Variants in ADGRB1 observed in about 807,000 individuals in gnomAD.
ADGRB1 encodes the protein adhesion G protein-coupled receptor B1, also known as brain-specific angiogenesis inhibitor 1.
Under a neutral mutation model 175.7 loss-of-function variants are expected in ADGRB1, and 36 were observed. The observed-to-expected ratio is 0.20, with a 90% CI of 0.16 to 0.27. ADGRB1 has a LOEUF of 0.27. Among genes scored for constraint, ADGRB1 ranks in the 10% least tolerant of loss-of-function variants. The pLI is 1.00. For synonymous variants in ADGRB1, 1,054 were observed against 979.4 expected (o/e 1.08, Z -1.42); for missense variants, 1,731 against 2,255.3 (o/e 0.77, Z 4.71).
In ADGRB1 at chr8:142,542,440, G is replaced by A; in HGVS notation, c.4206G>A (p.Gly1402=). ...CCTCCCGCCAGCCCCCCAGCGGCGG[G>A]CCCCCCGAGGCACCCCCTGCCCAGC... ...SPPSRQPPSG[G]PPEAPPAQPP... Residue 1402 remains glycine, a synonymous_variant, in exon 28 of 31, where the codon GGG becomes GGA. Coordinates refer to ENST00000517894, the MANE Select transcript of ADGRB1 (RefSeq NM_001702.3). The surrounding 1 kb of genome is among the most constrained non-coding windows in gnomAD (Gnocchi z 6.3). 1.4e-6 allele frequency: 2 copies of A among 1,469,070 alleles called. No individual in the cohort carries two copies. The highest frequency in any genetic ancestry group is 1.3e-5 in the South Asian group (1 of 76,346). 91.0% of individuals were successfully genotyped at this position (1,469,070 alleles called of 1,614,324 possible). A position where few individuals can be genotyped will look rare whatever the true frequency, so the allele number is the denominator to read the frequency against.
Position 142,543,789 on chromosome 8 carries a change from T to G in ADGRB1, c.4557+81T>G, listed in dbSNP as rs1845428595. On this transcript the variant is annotated intron_variant, in intron 30 of 30. Coordinates refer to ENST00000517894, the MANE Select transcript of ADGRB1 (RefSeq NM_001702.3). This position sits in a 1 kb window ranked among gnomAD's most constrained non-coding sequence, Gnocchi z 4.4. ...TCCCTTCTTCCCTGGATTTGTGCAC[T>G]TCATCCATCCATCCATCCATCCATC... is the stretch of plus-strand genomic sequence containing the variant. The G allele has an allele frequency of 1.5e-4, 175 of 1,172,252 alleles. No individual in the cohort carries two copies. Among genetic ancestry groups the G allele is most frequent in the Non-Finnish European group, 1.9e-4 (153 of 807,016 alleles). The allele number at this position is 1,172,252 out of a possible 1,614,324, so 72.6% of individuals were successfully genotyped here.
intron 19 of ADGRB1, 27 bp from the exon 20 acceptor site, chr8:142,520,796 G>T: frequency 6.3e-7 from 1 of 1,599,084 alleles, no homozygotes; most frequent in South Asian, 1.1e-5. Flanking sequence ...GTTGGGTGCT[G>T]ACCTTGGGCC....
intron 23 of ADGRB1, 68 bp from the exon 24 acceptor site, chr8:142,526,474 G>C (rs908103611): frequency 2.1e-6 from 3 of 1,395,814 alleles, no homozygotes; most frequent in Non-Finnish European, 3.0e-6. Context: ...GCATCGGTCC[G>C]GCCAGTGTCA....
chr8:142,511,116 G>A lies in ADGRB1; in HGVS notation c.2817+43G>A. The stretch of plus-strand genomic sequence containing the variant: ...CCGGCGGGAGGGGCGCCGGGCAGGG[G>A]CGCGGGCGGGGGCTGCCGGCGGGCC... On this transcript the variant is annotated intron_variant, in intron 18 of 30. Coordinates refer to ENST00000517894, the MANE Select transcript of ADGRB1 (RefSeq NM_001702.3). The surrounding 1 kb of genome is among the most constrained non-coding windows in gnomAD (Gnocchi z 4.5). The A allele has an allele frequency of 9.4e-7, 1 of 1,064,620 alleles. No individual in the cohort carries two copies. Among genetic ancestry groups the A allele is most frequent in the Non-Finnish European group, 1.1e-6 (1 of 882,040 alleles). 65.9% of individuals were successfully genotyped at this position (1,064,620 alleles called of 1,614,324 possible). A position where few individuals can be genotyped will look rare whatever the true frequency, so the allele number is the denominator to read the frequency against.
At chr8:142,451,914 G>C (rs1441067361) in intron 1 of ADGRB1, among the ~76,000 whole-genome samples, 1 of 152,168 alleles carries the variant, frequency 6.6e-6, no homozygotes, top group African/African-American at 2.4e-5. Context: ...CTCTGCGCCC[G>C]CACGCCGGGG....
intron 24 of ADGRB1, among the ~76,000 whole-genome samples, chr8:142,532,429 C>T (rs1416039029): frequency 2.6e-5 from 4 of 152,140 alleles, no homozygotes; most frequent in Admixed American, 1.3e-4. Flanking sequence ...GCTGCAGGGG[C>T]GAGGGCTGCT....
At chr8:142,532,103 A>G (rs891434836) in intron 24 of ADGRB1, among the ~76,000 whole-genome samples, 2 of 151,458 alleles carry the variant, frequency 1.3e-5, no homozygotes, top group African/African-American at 4.9e-5. Context: ...TGGGCCCCCT[A>G]CTCCCTATTC....
At chr8:142,534,355 C>T (rs1014293886) in intron 25 of ADGRB1, among the ~76,000 whole-genome samples, 5 of 152,204 alleles carry the variant, frequency 3.3e-5, no homozygotes, top group Admixed American at 6.5e-5. Context: ...TCTTGGCCTC[C>T]GCGGCCTGGG....
intron 13 of ADGRB1, 71 bp from the exon 14 acceptor site, chr8:142,488,293 G>A (rs1471027158): frequency 2.3e-5 from 37 of 1,578,128 alleles, no homozygotes; most frequent in Admixed American, 5.1e-5. Flanking sequence ...CTCAACTCCC[G>A]CAGCTGAGGC....
Position 142,464,144 on chromosome 8 carries a change from C to T in ADGRB1, c.-55C>T. On this transcript the variant is annotated 5_prime_UTR_variant, in exon 2 of 31. Coordinates refer to ENST00000517894, the MANE Select transcript of ADGRB1 (RefSeq NM_001702.3). Reference sequence around the variant, plus strand: ...CCGCCGGACCCTGGCATGTCAAGACCTGGTCCGCGCCTGCCTGCCCAGCCC... The same window carrying T: ...CCGCCGGACCCTGGCATGTCAAGACTTGGTCCGCGCCTGCCTGCCCAGCCC... 4 of 1,238,636 alleles carry T rather than the reference C, an allele frequency of 3.2e-6. No homozygotes were observed. Among genetic ancestry groups the T allele is most frequent in the Non-Finnish European group, 3.0e-6 (3 of 994,038 alleles). 76.7% of individuals were successfully genotyped at this position (1,238,636 alleles called of 1,614,324 possible). A position where few individuals can be genotyped will look rare whatever the true frequency, so the allele number is the denominator to read the frequency against.
intron 11 of ADGRB1, 59 bp downstream of exon 11, chr8:142,481,770 C>T (rs1841350219): frequency 4.2e-6 from 6 of 1,412,920 alleles, no homozygotes. Flanking sequence ...GGGGAGCCCT[C>T]CTCGACCTTA....
rs114757065 is a variant in ADGRB1, at chr8:142,496,751, G to A, written c.2675+5936G>A. Reference sequence around the variant, plus strand: ...GGATGTTAGTACAAGCCGGGCCACAGACCTGAAGCCCTTACCATGCTACCC... The same window carrying A: ...GGATGTTAGTACAAGCCGGGCCACAAACCTGAAGCCCTTACCATGCTACCC... On this transcript the variant is annotated intron_variant, in intron 17 of 30. Coordinates refer to ENST00000517894, the MANE Select transcript of ADGRB1 (RefSeq NM_001702.3). Among the ~76,000 whole-genome samples the A allele has an allele frequency of 1.5e-3, 222 of 152,298 alleles. 1 individual carries two copies. Among genetic ancestry groups the A allele is most frequent in the African/African-American group, 5.2e-3 (214 of 41,548 alleles).
chr8:142,521,261 CAA>C (rs1270758370), intron 20 of ADGRB1, among the ~76,000 whole-genome samples: 1 of 152,148 alleles, frequency 6.6e-6, no homozygotes, highest in East Asian at 1.9e-4. Flanking sequence ...GAGTGGCACT[CAA>C]GACGAGTGGC....
chr8:142,482,535 C>A, intron 11 of ADGRB1, among the ~76,000 whole-genome samples: 1 of 151,080 alleles, frequency 6.6e-6, no homozygotes, highest in African/African-American at 2.4e-5. Context: ...CCTGGTCACA[C>A]ACTGAGCCCT....
chr8:142,524,425 C>A, intron 23 of ADGRB1, 121 bp downstream of exon 23: 2 of 1,110,076 alleles, frequency 1.8e-6, no homozygotes, highest in Non-Finnish European at 2.5e-6. Context: ...GGATGGCCCT[C>A]ATGGCCCTCA....
chr8:142,490,083 C>T (rs1057160335), intron 16 of ADGRB1, among the ~76,000 whole-genome samples: 2 of 152,206 alleles, frequency 1.3e-5, no homozygotes, highest in Non-Finnish European at 2.9e-5. Context: ...TGGGCAGTGC[C>T]AGGCCTCCAG....
Position 142,509,357 on chromosome 8 carries a change from A to C in ADGRB1, c.2676-1575A>C, listed in dbSNP as rs570701683. 2.6e-5 allele frequency among the ~76,000 whole-genome samples: 4 copies of C among 152,302 alleles called. No homozygotes were observed. In the South Asian group the frequency reaches 8.3e-4, roughly 32 times the overall value. On this transcript the variant is annotated intron_variant, in intron 17 of 30. Coordinates refer to ENST00000517894, the MANE Select transcript of ADGRB1 (RefSeq NM_001702.3). ...CAAGAGGTGGTATAGGTAACTTCCC[A>C]AGGTCACATAGCTAGGATAGGACAC...
intron 18 of ADGRB1, among the ~76,000 whole-genome samples, chr8:142,512,373 T>C (rs996462389): frequency 6.6e-6 from 1 of 152,162 alleles, no homozygotes; most frequent in Non-Finnish European, 1.5e-5. Flanking sequence ...TAGGAGGACA[T>C]AGACATTATG....
At chr8:142,529,111 C>T (rs531657954) in intron 24 of ADGRB1, among the ~76,000 whole-genome samples, 17 of 152,336 alleles carry the variant, frequency 1.1e-4, no homozygotes, top group African/African-American at 1.9e-4. Flanking sequence ...TGTGGTGGGG[C>T]GAGGAGACTG....
Sources: gnomAD v4.1 joint callset for allele counts (sites outside exome capture counted in the v4.1 genomes callset) on GRCh38, gnomAD v4.1.1 for gene constraint, Gnocchi (gnomAD v3.1) non-coding constraint, MANE v1.5 for transcripts, NCBI Gene and HGNC (gene_info 2026-07-23, HGNC 2026-07-21) for gene names.